The following NFXL1 variants were observed in gnomAD, a reference collection of about 807,000 sequenced individuals.
The protein encoded by NFXL1 is NF-X1-type zinc finger protein NFXL1.
A neutral mutation model predicts 123.3 loss-of-function variants in NFXL1; 66 were observed. The ratio of observed to expected loss-of-function variants is 0.54; its 90% CI spans 0.44 to 0.66. The LOEUF (loss-of-function observed/expected upper bound fraction) is 0.66, where lower values mean the gene tolerates loss of function less well. Ranked by LOEUF, NFXL1 falls within the 30% of genes least tolerant of loss-of-function variation. NFXL1 has a pLI of 0.00. For synonymous variants in NFXL1, 346 were observed against 360.8 expected, an observed-to-expected ratio of 0.96 and a Z score of 0.46; for missense variants, 944 against 1,125.6, an observed-to-expected ratio of 0.84 and a Z score of 2.31.
At chr4:47,864,470 C>T (rs184144720) in intron 18 of NFXL1, among the ~76,000 whole-genome samples, 5 of 152,224 alleles carry the variant, frequency 3.3e-5, no homozygotes, top group Admixed American at 2.6e-4. Context: ...TCATAAGACC[C>T]CATTTCAGAA....
intron 18 of NFXL1, among the ~76,000 whole-genome samples, chr4:47,873,783 G>A (rs893861192): frequency 7.2e-5 from 11 of 152,160 alleles, no homozygotes; most frequent in Non-Finnish European, 1.6e-4. Context: ...TTTAAAGCCA[G>A]GCACTGACTT....
chr4:47,886,681 C>A (rs755776345), intron 12 of NFXL1, among the ~76,000 whole-genome samples: 1 of 152,136 alleles, frequency 6.6e-6, no homozygotes, highest in African/African-American at 2.4e-5. Context: ...TGATTTATAA[C>A]ACTTTTTTCT....
chr4:47,897,881 A>C, intron 9 of NFXL1, 86 bp downstream of exon 9: 1 of 790,310 alleles, frequency 1.3e-6, no homozygotes, highest in Non-Finnish European at 2.0e-6. Flanking sequence ...ATATGCACTT[A>C]AGTTTCCTGG....
chr4:47,878,705 A>C (rs1306476669), intron 16 of NFXL1, 40 bp from the exon 17 acceptor site: 1 of 1,418,572 alleles, frequency 7.0e-7, no homozygotes, highest in Admixed American at 2.7e-5. Flanking sequence ...CACATTACTC[A>C]AACGTTTCTG....
intron 12 of NFXL1, among the ~76,000 whole-genome samples, chr4:47,886,280 A>C (rs1290812217): frequency 1.3e-5 from 2 of 152,128 alleles, no homozygotes; most frequent in Non-Finnish European, 2.9e-5. Context: ...AATTTTGGTC[A>C]TGTTCTGTTT....
At position 47,847,824 on chromosome 4, in the gene NFXL1, A is replaced by G. The variant is rs952308695; in HGVS notation, c.*339T>C. On this transcript the variant is annotated 3_prime_UTR_variant, in exon 23 of 23. Coordinates refer to ENST00000507489, the MANE Select transcript of NFXL1 (RefSeq NM_001278624.2). ...CTTACTGCAGATATGGCTCAGTCTC[A>G]TCTGAATTATTTTTTTAAAAGTGTT... is the stretch of plus-strand genomic sequence containing the variant. 3.0e-5 allele frequency: 5 copies of G among 166,654 alleles called. No individual in the cohort carries two copies. Among genetic ancestry groups the G allele is most frequent in the African/African-American group, 1.2e-4 (5 of 42,126 alleles). The allele number at this position is 166,654 out of a possible 1,614,324, so 10.3% of individuals were successfully genotyped here.
intron 21 of NFXL1, 138 bp downstream of exon 21, chr4:47,851,718 A>G (rs1734128116): frequency 1.7e-6 from 1 of 574,638 alleles, no homozygotes; most frequent in South Asian, 2.4e-5. Flanking sequence ...CTGCCATTCA[A>G]AATAAGCCTA....
At chr4:47,867,952 T>G (rs6414687) in intron 18 of NFXL1, among the ~76,000 whole-genome samples, 111,733 of 152,160 alleles carry the variant, frequency 0.73, 41,272 homozygotes, top group South Asian at 0.76. Flanking sequence ...AGGATGCACT[T>G]CATTCAACCA....
intron 18 of NFXL1, among the ~76,000 whole-genome samples, chr4:47,863,246 A>G (rs114671051): frequency 1.3e-5 from 2 of 152,344 alleles, no homozygotes; most frequent in Non-Finnish European, 2.9e-5. Flanking sequence ...ATTATAATTC[A>G]TAATTACAAT....
chr4:47,903,813 A>G (rs2110104056), intron 4 of NFXL1, among the ~76,000 whole-genome samples: 1 of 152,308 alleles, frequency 6.6e-6, no homozygotes, highest in East Asian at 1.9e-4. Context: ...CCCTTTTGTT[A>G]TATAAAACCT....
At chr4:47,885,028 A>C (rs1560594704) in intron 14 of NFXL1, among the ~76,000 whole-genome samples, 1 of 151,794 alleles carries the variant, frequency 6.6e-6, no homozygotes, top group Non-Finnish European at 1.5e-5. Flanking sequence ...TCAGGAGGCT[A>C]AGGCACGAGA....
At chr4:47,885,310 A>G (rs557251955) in intron 14 of NFXL1, among the ~76,000 whole-genome samples, 188 bp downstream of exon 14, 1 of 152,250 alleles carries the variant, frequency 6.6e-6, no homozygotes, top group South Asian at 2.1e-4. Flanking sequence ...TTTGCAAACA[A>G]TGGTTTCACT....
At chr4:47,912,099 G>T (rs1033557499) in intron 2 of NFXL1, among the ~76,000 whole-genome samples, 17 of 152,222 alleles carry the variant, frequency 1.1e-4, no homozygotes, top group African/African-American at 3.4e-4. Context: ...TTGGTTAGGG[G>T]TTATTAACAA....
rs1198655726 is a variant in NFXL1 at position 47,862,909 on chromosome 4, T to C, written c.2253A>G (p.Ile751Met). ...ITSLYVECRK[I>M]TTADVNEKNL... Reference sequence around the variant, plus strand: ...TCTTTTCATTTACATCAGCTGTGGTTATTTTTCTAAAAATAAGAAAGTTGA... The same window carrying C: ...TCTTTTCATTTACATCAGCTGTGGTCATTTTTCTAAAAATAAGAAAGTTGA... The change falls in exon 19 of 23, where the codon ATA becomes ATG. Residue 751 changes from isoleucine to methionine, a missense_variant. Transcript: ENST00000507489. The C allele has an allele frequency of 1.5e-5, 23 of 1,559,672 alleles. No individual in the cohort carries two copies. The highest frequency in any genetic ancestry group is 1.8e-5 in the Non-Finnish European group (21 of 1,155,444).
intron 8 of NFXL1, 41 bp from the exon 9 acceptor site, chr4:47,898,122 G>A (rs1397062437): frequency 7.7e-7 from 1 of 1,306,254 alleles, no homozygotes; most frequent in Admixed American, 2.2e-5. Flanking sequence ...GGATTTAAAA[G>A]TTAACAAAAA....
chr4:47,906,587 A>T (rs1371730), intron 3 of NFXL1, among the ~76,000 whole-genome samples: 111,468 of 151,822 alleles, frequency 0.73, 41,160 homozygotes, highest in South Asian at 0.76. Flanking sequence ...TGAAGTTTTT[A>T]AAAAAATCCT....
intron 13 of NFXL1, 46 bp downstream of exon 13, chr4:47,885,833 A>C: frequency 6.3e-7 from 1 of 1,577,152 alleles, no homozygotes; most frequent in Non-Finnish European, 8.6e-7. Context: ...ATGAATTTAA[A>C]TTTGTACAAC....
chr4:47,874,183 T>C (rs1258458357), intron 18 of NFXL1, among the ~76,000 whole-genome samples: 1 of 152,260 alleles, frequency 6.6e-6, no homozygotes, highest in Non-Finnish European at 1.5e-5. Context: ...TCATTCTGTG[T>C]TCGCTGGAAT....
At chr4:47,906,891 C>T (rs1014080484) in intron 3 of NFXL1, among the ~76,000 whole-genome samples, 9 of 152,212 alleles carry the variant, frequency 5.9e-5, no homozygotes, top group African/African-American at 2.2e-4. Flanking sequence ...ATGACTCTGG[C>T]AACTAAAGAA....
Sources: allele counts gnomAD v4.1 joint callset (sites outside exome capture counted in the v4.1 genomes callset), GRCh38; gene constraint gnomAD v4.1.1; transcripts MANE v1.5; gene names NCBI Gene and HGNC (gene_info 2026-07-23, HGNC 2026-07-21).